Variants in PFKFB3 observed in about 807,000 individuals in gnomAD.
PFKFB3 encodes the protein 6-phosphofructo-2-kinase/fructose-2,6-bisphosphatase 3.
A neutral mutation model predicts 68.0 loss-of-function variants in PFKFB3; 33 were observed. The ratio of observed to expected loss-of-function variants is 0.49; its 90% CI spans 0.37 to 0.65. The LOEUF is 0.65. PFKFB3 is among the 30% of genes least tolerant of loss of function. PFKFB3 has a pLI of 0.00. For synonymous variants in PFKFB3, 315 were observed against 288.2 expected, an observed-to-expected ratio of 1.09 and a Z score of -0.94; for missense variants, 586 against 712.2, an observed-to-expected ratio of 0.82 and a Z score of 2.02.
chr10:6,169,018 C>CTCAGCTT (rs1842225250), intron 1 of PFKFB3, among the ~76,000 whole-genome samples: 1 of 93,688 alleles, frequency 1.1e-5, no homozygotes, highest in Non-Finnish European at 2.6e-5. Context: ...GTGCACTGGT[C>CTCAGCTT]ACTGCAACCT....
intron 1 of PFKFB3, among the ~76,000 whole-genome samples, chr10:6,184,530 G>C (rs1384235782): frequency 1.3e-5 from 2 of 151,990 alleles, no homozygotes; most frequent in Non-Finnish European, 2.9e-5. Context: ...GAGTGCAATG[G>C]TGTGATCTCG....
At chr10:6,204,536 C>T (rs1311727034) in intron 1 of PFKFB3, among the ~76,000 whole-genome samples, 1 of 152,240 alleles carries the variant, frequency 6.6e-6, no homozygotes, top group East Asian at 1.9e-4. Context: ...CCATGGTGTG[C>T]CCTGGGTGGG....
At chr10:6,212,456 CAGT>C (rs1215029897) in intron 1 of PFKFB3, among the ~76,000 whole-genome samples, 1 of 152,198 alleles carries the variant, frequency 6.6e-6, no homozygotes, top group East Asian at 1.9e-4. Flanking sequence ...TTCCTGGAGA[CAGT>C]GGTGGAGCCG....
downstream of PFKFB3, among the ~76,000 whole-genome samples, chr10:6,237,742 T>G (rs553054154): frequency 2.0e-5 from 3 of 152,282 alleles, no homozygotes; most frequent in African/African-American, 7.2e-5. Flanking sequence ...ATTTTTGTAT[T>G]TTTTGTCGAG....
At position 6,154,559 on chromosome 10, in the gene PFKFB3, C is replaced by T. The variant is rs764405076; in HGVS notation, c.16+9546C>T. ...CACCGCGCCTGGTGGGCTGAATTAA[C>T]GTGACACCATAAAACGTCTCCGCCA... On this transcript the variant is annotated intron_variant, in intron 1 of 14. Transcript: ENST00000379789. This position sits in a 1 kb window ranked among gnomAD's most constrained non-coding sequence, Gnocchi z 4.6. Among the ~76,000 whole-genome samples, 6 of 152,086 alleles carry T rather than the reference C, an allele frequency of 3.9e-5. No individual in the cohort carries two copies. Among genetic ancestry groups the T allele is most frequent in the Admixed American group, 6.6e-5 (1 of 15,264 alleles).
intron 14 of PFKFB3, among the ~76,000 whole-genome samples, chr10:6,242,467 A>G (rs1023817554): frequency 6.6e-6 from 1 of 152,236 alleles, no homozygotes; most frequent in Non-Finnish European, 1.5e-5. Flanking sequence ...ATGGCAGCCC[A>G]GCCACATCCT....
intron 14 of PFKFB3, among the ~76,000 whole-genome samples, chr10:6,247,127 T>C (rs760025498): frequency 1.3e-5 from 2 of 152,200 alleles, no homozygotes; most frequent in Non-Finnish European, 2.9e-5. Context: ...GCTGTCTTCA[T>C]TCTCGGCTTG....
the PFKFB3 span, among the ~76,000 whole-genome samples, chr10:6,318,774 A>AG: frequency 6.6e-6 from 1 of 152,334 alleles, no homozygotes; most frequent in East Asian, 1.9e-4. Flanking sequence ...GGAGGCAATC[A>AG]GTCCTCGGGG....
the PFKFB3 span, among the ~76,000 whole-genome samples, chr10:6,285,972 GTTTTTTTTTT>G: frequency 9.3e-4 from 83 of 89,094 alleles, no homozygotes; most frequent in African/African-American, 3.7e-3. Context: ...TCCTTTCACT[GTTTTTTTTTT>G]TTTTTTTTTT....
intron 14 of PFKFB3, among the ~76,000 whole-genome samples, chr10:6,252,736 A>G (rs555304482): frequency 6.6e-6 from 1 of 152,314 alleles, no homozygotes; most frequent in South Asian, 2.1e-4. Context: ...TCTAGTACAT[A>G]TTGTTGTATC....
At position 6,226,202 on chromosome 10, in the gene PFKFB3, A is replaced by G. The variant is rs779620448; in HGVS notation, c.1352A>G (p.Lys451Arg). The G allele has an allele frequency of 6.3e-7, 1 of 1,589,270 alleles. No homozygotes were observed. The highest frequency in any genetic ancestry group is 1.4e-5 in the African/African-American group (1 of 73,224). Residue 451 changes from lysine (K) to arginine (R), a missense_variant, in exon 14 of 15, where the codon AAG becomes AGG. Physicochemically the swap from Lys to Arg is conservative, Grantham distance 26. Transcript: ENST00000379775. ...THRERSEDAKKGPNPLMRRNS... is the reference protein window; with the variant it reads ...THRERSEDAKRGPNPLMRRNS... ...CTTTGTCTTGCTTAGGATGCAAAGAAGGGACCTAACCCGCTCATGAGACGC... is the reference window on the plus strand; with the variant it reads ...CTTTGTCTTGCTTAGGATGCAAAGAGGGGACCTAACCCGCTCATGAGACGC...
chr10:6,177,187 G>C (rs1842497450), intron 1 of PFKFB3, among the ~76,000 whole-genome samples: 1 of 152,180 alleles, frequency 6.6e-6, no homozygotes, highest in South Asian at 2.1e-4. Flanking sequence ...AACAGGGTAG[G>C]CTTGACCGGC....
chr10:6,218,144 G>C (rs4237417), intron 6 of PFKFB3, among the ~76,000 whole-genome samples: 147,974 of 152,328 alleles, frequency 0.97, 72,001 homozygotes, highest in East Asian at 1. Context: ...CTGGGCACTC[G>C]TTGTTCCCCT....
At chr10:6,244,863 G>C (rs771579494) in intron 14 of PFKFB3, among the ~76,000 whole-genome samples, 47 of 152,286 alleles carry the variant, frequency 3.1e-4, no homozygotes, top group Non-Finnish European at 5.4e-4. Context: ...AGATTGTGCT[G>C]AAAGCTAGGA....
intron 14 of PFKFB3, among the ~76,000 whole-genome samples, chr10:6,247,813 T>G (rs1225755232): frequency 6.6e-6 from 1 of 152,236 alleles, no homozygotes; most frequent in Non-Finnish European, 1.5e-5. Flanking sequence ...AAGAAACAAG[T>G]GTCCTATTAG....
At chr10:6,258,754 G>A (rs1846512463), downstream of PFKFB3, among the ~76,000 whole-genome samples, 1 of 152,154 alleles carries the variant, frequency 6.6e-6, no homozygotes, top group Admixed American at 6.5e-5. Flanking sequence ...CCCACAGCCT[G>A]GATTGATGGC....
At chr10:6,325,846 A>G in the PFKFB3 span, among the ~76,000 whole-genome samples, 3 of 152,208 alleles carry the variant, frequency 2.0e-5, no homozygotes, top group Non-Finnish European at 4.4e-5. Context: ...ATACACACGT[A>G]CATCAATGGT....
At chr10:6,294,964 GT>G in the PFKFB3 span, among the ~76,000 whole-genome samples, 18 of 142,894 alleles carry the variant, frequency 1.3e-4, no homozygotes, top group African/African-American at 2.6e-4. Flanking sequence ...TTCAGAAGGT[GT>G]TTTTTTTTTG....
intron 6 of PFKFB3, among the ~76,000 whole-genome samples, chr10:6,218,259 A>G (rs4237418): frequency 0.97 from 147,856 of 152,182 alleles, 71,954 homozygotes; most frequent in East Asian, 1. Context: ...CTAGCAGATA[A>G]TCATTTGCCC....
Sources: gnomAD v4.1 joint callset for allele counts (sites outside exome capture counted in the v4.1 genomes callset) on GRCh38, gnomAD v4.1.1 for gene constraint, Gnocchi (gnomAD v3.1) non-coding constraint, MANE v1.5 for transcripts, NCBI Gene and HGNC (gene_info 2026-07-23, HGNC 2026-07-21) for gene names.